ZCCHC7: variants seen among roughly 807,000 people sequenced by gnomAD.
ZCCHC7 encodes the protein zinc finger CCHC domain-containing protein 7.
Under a neutral mutation model 52.0 loss-of-function variants are expected in ZCCHC7, and 35 were observed. The observed-to-expected ratio is 0.67, with a 90% confidence interval of 0.51 to 0.89. The LOEUF is 0.89. Ranked by LOEUF, ZCCHC7 falls within the 40% of genes least tolerant of loss-of-function variation. ZCCHC7 has a pLI of 0.00. For missense variants in ZCCHC7, 574 were observed against 649.1 expected (o/e 0.88, Z 1.26); for synonymous variants, 217 against 221.5 (o/e 0.98, Z 0.18).
chr9:37,289,218 C>G (rs1287687096), intron 2 of ZCCHC7, among the ~76,000 whole-genome samples: 1 of 150,098 alleles, frequency 6.7e-6, no homozygotes, highest in Non-Finnish European at 1.5e-5. Flanking sequence ...GGTGTGGTCT[C>G]GGGTCACTGC....
chr9:37,254,943 A>G (rs921755272), intron 2 of ZCCHC7, among the ~76,000 whole-genome samples: 16 of 148,752 alleles, frequency 1.1e-4, no homozygotes, highest in African/African-American at 4.0e-4. Flanking sequence ...AATCACTAAT[A>G]CTACTCACAT....
At chr9:37,178,908 TGAC>T (rs1321468620) in intron 2 of ZCCHC7, among the ~76,000 whole-genome samples, 2 of 152,234 alleles carry the variant, frequency 1.3e-5, no homozygotes, top group African/African-American at 4.8e-5. Context: ...ATCTGTATGA[TGAC>T]TGATATTTTA....
intron 2 of ZCCHC7, among the ~76,000 whole-genome samples, chr9:37,161,979 AAGG>A (rs1564149937): frequency 6.6e-6 from 1 of 152,162 alleles, no homozygotes; most frequent in Admixed American, 6.5e-5. Flanking sequence ...TCTACTGAAA[AAGG>A]AGGATAATCC....
At chr9:37,130,235 CAAAAA>C (rs33929421) in intron 2 of ZCCHC7, among the ~76,000 whole-genome samples, 1 of 104,288 alleles carries the variant, frequency 9.6e-6, no homozygotes, top group African/African-American at 3.5e-5. Context: ...GAGACTGTCT[CAAAAA>C]AAAAAAAAAA....
intron 2 of ZCCHC7, among the ~76,000 whole-genome samples, chr9:37,140,649 T>C (rs1476454113): frequency 6.6e-6 from 1 of 151,988 alleles, no homozygotes. Flanking sequence ...GGTTTTATTA[T>C]CAGATCTAAC....
In ZCCHC7 at chr9:37,153,021, G is replaced by A. The variant is rs564324128; in HGVS notation, c.610+26079G>A. On this transcript the variant is annotated intron_variant, in intron 2 of 8. Coordinates refer to ENST00000336755, the MANE Select transcript of ZCCHC7 (RefSeq NM_032226.3). ...TTACATTTTGGGTTATAATTTAATA[G>A]TACTTTATTGTGTTGCTTAAATTGT... Among the ~76,000 whole-genome samples, 125 of 152,226 alleles carry A rather than the reference G, an allele frequency of 8.2e-4. 1 individual carries two copies. Among genetic ancestry groups the A allele is most frequent in the Non-Finnish European group, 1.5e-3 (105 of 68,002 alleles).
chr9:37,293,174 C>T (rs912739827), intron 2 of ZCCHC7, among the ~76,000 whole-genome samples: 1 of 152,120 alleles, frequency 6.6e-6, no homozygotes, highest in Non-Finnish European at 1.5e-5. Context: ...ATCCTGTAAA[C>T]AGTTTGAAGT....
At chr9:37,307,049 G>A (rs957159731) in intron 5 of ZCCHC7, among the ~76,000 whole-genome samples, 3 of 149,148 alleles carry the variant, frequency 2.0e-5, no homozygotes, top group Non-Finnish European at 4.4e-5. Context: ...GCCTCCCAAA[G>A]TGCTAGGATT....
intron 2 of ZCCHC7, among the ~76,000 whole-genome samples, chr9:37,137,767 A>G (rs1843060315): frequency 6.6e-6 from 1 of 152,208 alleles, no homozygotes; most frequent in South Asian, 2.1e-4. Flanking sequence ...AACATAGGAA[A>G]GGATCATTAT....
chr9:37,129,936 T>G (rs1287552510), intron 2 of ZCCHC7, among the ~76,000 whole-genome samples: 4 of 152,118 alleles, frequency 2.6e-5, no homozygotes, highest in African/African-American at 9.7e-5. Context: ...TGACTTACAG[T>G]GGTAAAAGAC....
chr9:37,137,516 T>C (rs1353858368), intron 2 of ZCCHC7, among the ~76,000 whole-genome samples: 1 of 152,250 alleles, frequency 6.6e-6, no homozygotes, highest in African/African-American at 2.4e-5. Context: ...GGATTATTTA[T>C]GTTTTGTATA....
At chr9:37,150,330 A>G (rs1033122129) in intron 2 of ZCCHC7, among the ~76,000 whole-genome samples, 2 of 152,258 alleles carry the variant, frequency 1.3e-5, no homozygotes, top group Non-Finnish European at 2.9e-5. Context: ...AGTAAACAAA[A>G]TCAGCTCTAA....
intron 2 of ZCCHC7, among the ~76,000 whole-genome samples, chr9:37,187,334 A>T (rs1192905139): frequency 6.6e-6 from 1 of 152,216 alleles, no homozygotes; most frequent in African/African-American, 2.4e-5. Context: ...ACATTAGATT[A>T]TCATAAGGAG....
intron 2 of ZCCHC7, among the ~76,000 whole-genome samples, chr9:37,270,166 TA>T (rs1444634963): frequency 3.3e-5 from 5 of 152,248 alleles, no homozygotes; most frequent in African/African-American, 2.4e-5. Context: ...TTATTAAAAT[TA>T]ATTTTACTTG....
intron 7 of ZCCHC7, 149 bp downstream of exon 7, chr9:37,349,601 C>A: frequency 1.4e-6 from 1 of 714,710 alleles, no homozygotes; most frequent in Non-Finnish European, 2.3e-6. Context: ...GTTTACCCCT[C>A]CCCTCCCTGC....
intron 2 of ZCCHC7, among the ~76,000 whole-genome samples, chr9:37,133,140 A>C (rs866858308): frequency 3.3e-5 from 5 of 152,120 alleles, no homozygotes; most frequent in Non-Finnish European, 5.9e-5. Context: ...TCTGTCTCAG[A>C]AAAAAATTAA....
chr9:37,293,271 G>C (rs1291558784), intron 2 of ZCCHC7, among the ~76,000 whole-genome samples: 1 of 152,110 alleles, frequency 6.6e-6, no homozygotes, highest in East Asian at 1.9e-4. Context: ...AAAGCAAATT[G>C]TTCTGGATTT....
At chr9:37,206,750 C>T (rs941436596) in intron 2 of ZCCHC7, among the ~76,000 whole-genome samples, 5 of 152,136 alleles carry the variant, frequency 3.3e-5, no homozygotes, top group South Asian at 2.1e-4. Flanking sequence ...CACTCAATTA[C>T]GTAGATGGGG....
chr9:37,150,706 T>G (rs1564143056), intron 2 of ZCCHC7, among the ~76,000 whole-genome samples: 1 of 152,222 alleles, frequency 6.6e-6, no homozygotes, highest in South Asian at 2.1e-4. Flanking sequence ...AATGTCCTCT[T>G]AAGTTTTTTA....
Sources: gnomAD v4.1 joint callset for allele counts (sites outside exome capture counted in the v4.1 genomes callset) on GRCh38, gnomAD v4.1.1 for gene constraint, MANE v1.5 for transcripts, NCBI Gene and HGNC (gene_info 2026-07-23, HGNC 2026-07-21) for gene names.